Variants in TSHR observed in about 807,000 individuals in gnomAD.
The protein encoded by TSHR is thyroid stimulating hormone receptor, also known as thyrotropin receptor.
TSHR carries 51 observed loss-of-function variants against 64.1 expected under a neutral mutation model. That is an observed-to-expected ratio of 0.80 (90% CI 0.64 to 1.01). The LOEUF (loss-of-function observed/expected upper bound fraction) is 1.01, where lower values mean the gene tolerates loss of function less well. Ranked by LOEUF, TSHR falls within the 50% of genes least tolerant of loss-of-function variation. The probability of loss-of-function intolerance (pLI) is 0.00; values close to 1 mark genes in which losing one functional copy is unlikely to be tolerated. For missense variants in TSHR, 877 were observed against 942.8 expected (o/e 0.93, Z 0.91); for synonymous variants, 361 against 361.9 (o/e 1.00, Z 0.03).
intron 8 of TSHR, among the ~76,000 whole-genome samples, chr14:81,133,016 G>A (rs188177946): frequency 1.3e-5 from 2 of 152,292 alleles, no homozygotes; most frequent in African/African-American, 4.8e-5. Context: ...TGAGTTTGAG[G>A]ATCTCTTCAG....
chr14:81,052,965 A>T (rs186058938), intron 1 of TSHR: 1 of 152,064 alleles, frequency 6.6e-6, no homozygotes, highest in Admixed American at 6.6e-5. Context: ...AGGGAGAGAG[A>T]TTTGTACTGT....
chr14:81,090,336 C>A (rs1266473333), intron 4 of TSHR, among the ~76,000 whole-genome samples: 1 of 152,142 alleles, frequency 6.6e-6, no homozygotes, highest in Non-Finnish European at 1.5e-5. Flanking sequence ...CCTCCACCTC[C>A]CAGGTTCAAG....
At chr14:80,957,683 G>C (rs1886774294) in intron 1 of TSHR, 1 of 152,182 alleles carries the variant, frequency 6.6e-6, no homozygotes, top group African/African-American at 2.4e-5. Flanking sequence ...AGTTGAGAAA[G>C]AAAGGGTAAT....
chr14:81,112,526 G>A (rs1198404047), intron 8 of TSHR, among the ~76,000 whole-genome samples: 4 of 152,020 alleles, frequency 2.6e-5, no homozygotes, highest in East Asian at 1.9e-4. Context: ...CTCTTATTTG[G>A]CCATTCACCC....
chr14:81,007,814 A>G (rs1365910460), intron 1 of TSHR, among the ~76,000 whole-genome samples: 1 of 152,192 alleles, frequency 6.6e-6, no homozygotes, highest in Non-Finnish European at 1.5e-5. Flanking sequence ...TGAAAAGGAA[A>G]TCTGTATTCA....
Position 81,073,003 on chromosome 14 carries a change from A to T in TSHR, c.317+4675A>T, listed in dbSNP as rs1487023025. Among the ~76,000 whole-genome samples the T allele has an allele frequency of 1.1e-4, 7 of 64,378 alleles. 2 individuals are homozygous for T. In the South Asian group the frequency reaches 1.7e-3, roughly 15 times the overall value. The allele number at this position is 64,378 out of a possible 152,430, so 42.2% of individuals were successfully genotyped here. ...CAGAGCGAGACTCCGTCTCAAAAAA[A>T]AAAAAAAATAAAAAATAAATATATA... On this transcript the variant is annotated intron_variant, in intron 3 of 9. Transcript: ENST00000298171.
intron 2 of TSHR, among the ~76,000 whole-genome samples, chr14:81,064,311 A>C (rs2139898545): frequency 6.6e-6 from 1 of 152,312 alleles, no homozygotes; most frequent in African/African-American, 2.4e-5. Context: ...GGGCTGATCA[A>C]GTTTCTGATT....
At chr14:81,059,721 T>C (rs1273920115) in intron 1 of TSHR, among the ~76,000 whole-genome samples, 1 of 152,264 alleles carries the variant, frequency 6.6e-6, no homozygotes, top group Non-Finnish European at 1.5e-5. Context: ...ATAATCCTTA[T>C]TGGTCTATAT....
intron 4 of TSHR, among the ~76,000 whole-genome samples, chr14:81,090,346 G>A (rs1444521470): frequency 6.6e-6 from 1 of 152,172 alleles, no homozygotes; most frequent in African/African-American, 2.4e-5. Flanking sequence ...CCAGGTTCAA[G>A]TGATTCTCAT....
chr14:81,091,024 T>A (rs1888689941), intron 4 of TSHR, 45 bp from the exon 5 acceptor site: 4 of 1,528,320 alleles, frequency 2.6e-6, no homozygotes, highest in South Asian at 1.1e-5. Context: ...TTGATTTTTT[T>A]ACCTAAATTC....
At chr14:81,129,570 C>A (rs1891153917) in intron 8 of TSHR, among the ~76,000 whole-genome samples, 1 of 152,188 alleles carries the variant, frequency 6.6e-6, no homozygotes, top group South Asian at 2.1e-4. Flanking sequence ...CCCACTTCCC[C>A]ATTCCCTCTC....
chr14:81,033,598 TG>T (rs1487243908), intron 1 of TSHR, among the ~76,000 whole-genome samples: 1 of 146,414 alleles, frequency 6.8e-6, no homozygotes, highest in African/African-American at 2.5e-5. Flanking sequence ...CTAAGATGAA[TG>T]TTTTCCATAT....
At chr14:80,968,536 C>T (rs1235110022) in intron 1 of TSHR, among the ~76,000 whole-genome samples, 1 of 152,106 alleles carries the variant, frequency 6.6e-6, no homozygotes, top group African/African-American at 2.4e-5. Context: ...ATTGATAGTC[C>T]TTATCTCTCT....
chr14:80,993,126 T>C (rs1594928402), intron 1 of TSHR: 1 of 152,176 alleles, frequency 6.6e-6, no homozygotes, highest in Admixed American at 6.6e-5. Context: ...TTGAAGGAGA[T>C]CCAGTGTTGT....
chr14:80,973,822 T>C (rs1263910432), intron 1 of TSHR, among the ~76,000 whole-genome samples: 1 of 152,196 alleles, frequency 6.6e-6, no homozygotes, highest in Non-Finnish European at 1.5e-5. Flanking sequence ...TTGCTGTGAA[T>C]TGGAAAATGT....
intron 4 of TSHR, among the ~76,000 whole-genome samples, chr14:81,090,020 G>A (rs1010655047): frequency 6.6e-6 from 1 of 151,168 alleles, no homozygotes; most frequent in Non-Finnish European, 1.5e-5. Flanking sequence ...GTAGTGTCTA[G>A]ATCTCACTCT....
intron 1 of TSHR, among the ~76,000 whole-genome samples, chr14:80,965,834 A>G (rs1283932209): frequency 6.6e-6 from 1 of 152,218 alleles, no homozygotes; most frequent in African/African-American, 2.4e-5. Flanking sequence ...GATTTTTAAG[A>G]CATCTTATAA....
At chr14:80,985,386 G>T (rs565073067) in intron 1 of TSHR, among the ~76,000 whole-genome samples, 195 of 152,328 alleles carry the variant, frequency 1.3e-3, no homozygotes, top group Non-Finnish European at 2.1e-3. Context: ...TTACTAGTAG[G>T]CAAGCCTGGG....
chr14:81,065,802 T>G lies in TSHR; in HGVS notation c.243-2452T>G, dbSNP rs553360730. On this transcript the variant is annotated intron_variant, in intron 2 of 9. Transcript: ENST00000298171. The stretch of plus-strand genomic sequence containing the variant: ...GCACATACACATACCTGAATAATGA[T>G]TAAAGATTTGATATATCTTGGGGAG... Among the ~76,000 whole-genome samples, 13 of 152,314 alleles carry G rather than the reference T, an allele frequency of 8.5e-5. No homozygotes were observed. In the South Asian group the frequency reaches 1.4e-3, roughly 17 times the overall value.
Sources: gnomAD v4.1 joint callset for allele counts (sites outside exome capture counted in the v4.1 genomes callset) on GRCh38, gnomAD v4.1.1 for gene constraint, MANE v1.5 for transcripts, NCBI Gene and HGNC (gene_info 2026-07-23, HGNC 2026-07-21) for gene names.